Variants in ARHGEF7 observed in about 807,000 individuals in gnomAD.
The protein encoded by ARHGEF7 is PAK-interacting exchange factor beta.
In ARHGEF7, 33 loss-of-function variants were observed where a neutral mutation model predicts 109.8. That is an observed-to-expected ratio of 0.30 (90% CI 0.23 to 0.40). ARHGEF7 has a LOEUF of 0.40. Among genes scored for constraint, ARHGEF7 ranks in the 10% least tolerant of loss-of-function variants. The pLI, the probability that ARHGEF7 is intolerant of heterozygous loss-of-function variation, is 1.00. For missense variants in ARHGEF7, 938 were observed against 1,098.5 expected (o/e 0.85, Z 2.07); for synonymous variants, 458 against 424.6 (o/e 1.08, Z -0.97).
In ARHGEF7 at chr13:111,115,369, G is replaced by C. The variant is rs1289869956; in HGVS notation, c.-158G>C. The C allele has an allele frequency of 4.9e-5, 17 of 346,664 alleles. No homozygotes were observed. In the East Asian group the frequency reaches 2.4e-3, roughly 50 times the overall value. 21.5% of individuals were successfully genotyped at this position (346,664 alleles called of 1,614,324 possible). On this transcript the variant is annotated 5_prime_UTR_variant, in exon 1 of 22. Transcript: ENST00000646102. ...ACAGCGGGCCGGGGCGCACGGAGAA[G>C]CGGGCCGGGCCGGACCTGCTGGGCC...
At chr13:111,292,513 CT>C in intron 19 of ARHGEF7, 6 of 1,426,256 alleles carry the variant, frequency 4.2e-6, no homozygotes, top group Non-Finnish European at 5.5e-6. Flanking sequence ...ATTCGAATGA[CT>C]GACTATTGGA....
At chr13:111,224,078 A>G (rs1041747401) in intron 5 of ARHGEF7, among the ~76,000 whole-genome samples, 2 of 152,154 alleles carry the variant, frequency 1.3e-5, no homozygotes, top group African/African-American at 4.8e-5. Flanking sequence ...GCTGGCCTCG[A>G]ACACCTGACC....
chr13:111,160,814 T>A (rs1026415409), intron 2 of ARHGEF7, among the ~76,000 whole-genome samples: 1 of 152,144 alleles, frequency 6.6e-6, no homozygotes, highest in African/African-American at 2.4e-5. Context: ...CACCCTTCTG[T>A]CTCCTGCTGC....
chr13:111,238,835 T>C (rs1270877746), intron 6 of ARHGEF7, among the ~76,000 whole-genome samples: 2 of 152,180 alleles, frequency 1.3e-5, no homozygotes, highest in African/African-American at 4.8e-5. Context: ...CTCAGCGATA[T>C]ACACTATGGT....
chr13:111,300,906 G>C, intron 20 of ARHGEF7, 59 bp downstream of exon 20: 1 of 1,121,258 alleles, frequency 8.9e-7, no homozygotes, highest in South Asian at 1.5e-5. Flanking sequence ...GGGTAGTAGA[G>C]TCCAGACAAC....
chr13:111,223,353 G>T (rs1481461814), intron 5 of ARHGEF7, among the ~76,000 whole-genome samples: 3 of 152,136 alleles, frequency 2.0e-5, no homozygotes. Context: ...ATCATGTTAG[G>T]ATCATTTCTT....
Position 111,304,702 on chromosome 13 carries a change from C to G in ARHGEF7, c.*1589C>G, listed in dbSNP as rs2093624878. On this transcript the variant is annotated 3_prime_UTR_variant, in exon 22 of 22. Coordinates refer to ENST00000646102, the MANE Select transcript of ARHGEF7 (RefSeq NM_001354046.2). ...GGTGCCCAGCAAGCCCCTTTGGCTTCCTTCCGTGACTGGTCACGTTGTCTG... is the reference window on the plus strand; with the variant it reads ...GGTGCCCAGCAAGCCCCTTTGGCTTGCTTCCGTGACTGGTCACGTTGTCTG... The G allele has an allele frequency of 1.3e-5, 2 of 152,270 alleles. No homozygotes were observed. The highest frequency in any genetic ancestry group is 6.5e-5 in the Admixed American group (1 of 15,282). 9.4% of individuals were successfully genotyped at this position (152,270 alleles called of 1,614,324 possible). A position where few individuals can be genotyped will look rare whatever the true frequency, so the allele number is the denominator to read the frequency against.
At chr13:111,288,536 G>A (rs977342350) in intron 18 of ARHGEF7, 93 bp downstream of exon 18, 20 of 944,484 alleles carry the variant, frequency 2.1e-5, no homozygotes, top group Non-Finnish European at 2.9e-5. Flanking sequence ...TAGGCCCCTT[G>A]CACAGCCCAT....
In ARHGEF7 at chr13:111,156,798, A is replaced by C. The variant is rs182939247; in HGVS notation, c.252+2807A>C. The stretch of plus-strand genomic sequence containing the variant: ...TCTGAAAGGTGGGAAATTGATAAGA[A>C]ATGTTTTGAAACTACAGACACAAAA... On this transcript the variant is annotated intron_variant, in intron 2 of 21. Coordinates refer to ENST00000646102, the MANE Select transcript of ARHGEF7 (RefSeq NM_001354046.2). 1.4e-3 allele frequency among the ~76,000 whole-genome samples: 207 copies of C among 152,378 alleles called. 1 individual carries two copies. The highest frequency in any genetic ancestry group is 3.4e-3 in the Middle Eastern group (1 of 294).
At chr13:111,201,788 T>C (rs1222193690) in intron 2 of ARHGEF7, among the ~76,000 whole-genome samples, 1 of 152,092 alleles carries the variant, frequency 6.6e-6, no homozygotes, top group Non-Finnish European at 1.5e-5. Flanking sequence ...TCAGCCCTCT[T>C]CCTTCTTCCA....
chr13:111,231,965 G>A (rs938786531), intron 5 of ARHGEF7, among the ~76,000 whole-genome samples: 1 of 152,112 alleles, frequency 6.6e-6, no homozygotes, highest in Non-Finnish European at 1.5e-5. Context: ...GCCCCAATTT[G>A]ATACACTGCT....
At chr13:111,300,923 A>G in intron 20 of ARHGEF7, 76 bp downstream of exon 20, 1 of 843,644 alleles carries the variant, frequency 1.2e-6, no homozygotes. Flanking sequence ...CAACTCCCTG[A>G]GGGCGGGGGT....
rs373087871 is a variant in ARHGEF7 at position 111,120,509 on chromosome 13, GCA to G, written c.165+4824_165+4825del. Among the ~76,000 whole-genome samples the G allele has an allele frequency of 6.3e-4, 73 of 116,118 alleles. 1 individual carries two copies. The East Asian group carries it at 0.013, about 20-fold the overall frequency. The allele number at this position is 116,118 out of a possible 152,430, so 76.2% of individuals were successfully genotyped here. The stretch of plus-strand genomic sequence containing the variant: ...CAGACACATGCGTGTACATAGACAC[GCA>G]CACACGCACACACAGACACGTCTGA... On this transcript the variant is annotated intron_variant, in intron 1 of 21. Transcript: ENST00000646102.
Position 111,255,596 on chromosome 13 carries a change from T to C in ARHGEF7, c.950+11302T>C, listed in dbSNP as rs2090329757. ...GCCCTCCCTGTGCACCATTTATAAC[T>C]TCAGTTGTGAAAATGTAACTTCGCA... On this transcript the variant is annotated intron_variant, in intron 8 of 21. Coordinates refer to ENST00000646102, the MANE Select transcript of ARHGEF7 (RefSeq NM_001354046.2). The surrounding 1 kb of genome is among the most constrained non-coding windows in gnomAD (Gnocchi z 4.1). Among the ~76,000 whole-genome samples the C allele has an allele frequency of 6.6e-6, 1 of 152,234 alleles. No homozygotes were observed. The highest frequency in any genetic ancestry group is 1.5e-5 in the Non-Finnish European group (1 of 68,038).
intron 8 of ARHGEF7, among the ~76,000 whole-genome samples, chr13:111,259,573 C>G (rs538786521): frequency 2.0e-5 from 3 of 152,332 alleles, no homozygotes; most frequent in African/African-American, 7.2e-5. Context: ...AATGCAGATA[C>G]AGCTGCAGTG....
intron 17 of ARHGEF7, among the ~76,000 whole-genome samples, chr13:111,288,142 A>T (rs1352984230): frequency 6.6e-6 from 1 of 152,134 alleles, no homozygotes; most frequent in Non-Finnish European, 1.5e-5. Context: ...GTTTTTCCAA[A>T]TGTGTTGCAA....
At chr13:111,253,605 C>G (rs898813108) in intron 8 of ARHGEF7, among the ~76,000 whole-genome samples, 2 of 152,186 alleles carry the variant, frequency 1.3e-5, no homozygotes, top group African/African-American at 4.8e-5. Context: ...TTGCCCTGTT[C>G]CCGTCTCAGA....
At chr13:111,134,181 C>T (rs1326321172) in intron 1 of ARHGEF7, among the ~76,000 whole-genome samples, 1 of 152,116 alleles carries the variant, frequency 6.6e-6, no homozygotes. Context: ...TTTTCTTAAT[C>T]CAGTCTATCA....
chr13:111,123,354 T>C (rs1472140521), intron 1 of ARHGEF7, among the ~76,000 whole-genome samples: 1 of 152,044 alleles, frequency 6.6e-6, no homozygotes, highest in Non-Finnish European at 1.5e-5. Flanking sequence ...CCTCAAACAT[T>C]GAAGAGAGCC....
Sources: allele counts gnomAD v4.1 joint callset (sites outside exome capture counted in the v4.1 genomes callset), GRCh38; gene constraint gnomAD v4.1.1; non-coding constraint Gnocchi (gnomAD v3.1); transcripts MANE v1.5; gene names NCBI Gene and HGNC (gene_info 2026-07-23, HGNC 2026-07-21).